Variants in SEL1L2 observed in about 807,000 individuals in gnomAD.
SEL1L2 encodes the protein protein sel-1 homolog 2.
A neutral mutation model predicts 98.8 loss-of-function variants in SEL1L2; 89 were observed. That is an observed-to-expected ratio of 0.90 (90% CI 0.76 to 1.07). The LOEUF (loss-of-function observed/expected upper bound fraction) is 1.07, where lower values mean the gene tolerates loss of function less well. Among genes scored for constraint, SEL1L2 ranks in the 50% least tolerant of loss-of-function variants. SEL1L2 has a pLI of 0.00. For missense variants in SEL1L2, 788 were observed against 812.0 expected (o/e 0.97, Z 0.36); for synonymous variants, 262 against 278.5 (o/e 0.94, Z 0.59).
chr20:13,937,585 C>G (rs1388939585), intron 2 of SEL1L2, among the ~76,000 whole-genome samples: 2 of 152,182 alleles, frequency 1.3e-5, no homozygotes, highest in East Asian at 3.8e-4. Context: ...CTAAATTTTC[C>G]TGGTCGTGTG....
At chr20:13,854,862 G>GAT in intron 18 of SEL1L2, among the ~76,000 whole-genome samples, 1 of 152,134 alleles carries the variant, frequency 6.6e-6, no homozygotes, top group East Asian at 1.9e-4. Flanking sequence ...GACCATCCTG[G>GAT]CCAACATGGT....
intron 2 of SEL1L2, among the ~76,000 whole-genome samples, chr20:13,946,254 C>A (rs921127174): frequency 1.3e-5 from 2 of 151,988 alleles, no homozygotes; most frequent in Non-Finnish European, 2.9e-5. Context: ...AGAGATTCTA[C>A]ACAAAAAAAC....
chr20:13,849,613 A>AAG lies in SEL1L2; in HGVS notation c.1948-11_1948-10dup. The AAG allele has an allele frequency of 1.2e-6, 2 of 1,613,288 alleles. No homozygotes were observed. The highest frequency in any genetic ancestry group is 1.7e-6 in the Non-Finnish European group (2 of 1,179,610). On this transcript the variant is annotated splice_polypyrimidine_tract_variant and intron_variant, in intron 19 of 19. Transcript: ENST00000284951. Reference sequence around the variant, plus strand: ...TTCCATCTCGTTGTGAACTGCTGGCAAGAGACATTCTCTCAAAAACAATCC... The same window carrying AAG: ...TTCCATCTCGTTGTGAACTGCTGGCAAGAGAGACATTCTCTCAAAAACAATCC...
chr20:13,990,386 C>T (rs1465042055), intron 1 of SEL1L2, 91 bp downstream of exon 1: 4 of 853,356 alleles, frequency 4.7e-6, no homozygotes, highest in Non-Finnish European at 7.9e-6. Context: ...AGTAAAGTTA[C>T]TTCTAGTCTT....
Position 13,865,189 on chromosome 20 carries a change from T to C in SEL1L2, c.1623A>G (p.Leu541=), listed in dbSNP as rs377020052. 2.9e-5 allele frequency: 47 copies of C among 1,613,134 alleles called. No individual in the cohort carries two copies. Among genetic ancestry groups the C allele is most frequent in the African/African-American group, 6.7e-5 (5 of 74,930 alleles). The change falls in exon 17 of 20, where the codon CTA becomes CTG. Residue 541 remains leucine (L), a synonymous_variant. Transcript: ENST00000284951. The part of the protein sequence containing the change: ...KEKMYPMALL[L]WNRAAIQGNA... The stretch of plus-strand genomic sequence containing the variant: ...TACCTTGAATGGCAGCTCGATTCCA[T>C]AGGAGAAGCGCCATTGGATACATCT...
At chr20:13,885,255 C>T in intron 10 of SEL1L2, 92 bp downstream of exon 10, 1 of 822,674 alleles carries the variant, frequency 1.2e-6, no homozygotes, top group Non-Finnish European at 2.1e-6. Flanking sequence ...GCAACTCTTC[C>T]ACCTCTCCCT....
At chr20:13,936,735 C>T (rs1232696067) in intron 2 of SEL1L2, among the ~76,000 whole-genome samples, 1 of 152,196 alleles carries the variant, frequency 6.6e-6, no homozygotes, top group African/African-American at 2.4e-5. Context: ...TTAGCTAGCT[C>T]TATGTATATT....
chr20:13,888,584 A>G (rs150075517), intron 5 of SEL1L2, 72 bp from the exon 6 acceptor site: 11 of 672,210 alleles, frequency 1.6e-5, no homozygotes, highest in Non-Finnish European at 2.5e-5. Context: ...GATAAGGGAT[A>G]TCTTAAATGT....
chr20:13,993,720 A>G (rs897437812), upstream of SEL1L2, among the ~76,000 whole-genome samples: 11 of 152,168 alleles, frequency 7.2e-5, no homozygotes, highest in African/African-American at 2.4e-4. Flanking sequence ...TAAGAAGTCA[A>G]TATCTTTTCT....
chr20:13,888,011 A>C lies in SEL1L2; in HGVS notation c.604-10T>G. On this transcript the variant is annotated splice_polypyrimidine_tract_variant and intron_variant, in intron 6 of 19. Coordinates refer to ENST00000284951, the MANE Select transcript of SEL1L2 (RefSeq NM_025229.2). ...TGTAATATATCAGTGCCTAAAGTAA[A>C]AACAAACAAACAAAAAACCCCCCAA... The C allele has an allele frequency of 6.2e-7, 1 of 1,609,068 alleles. No individual in the cohort carries two copies. The highest frequency in any genetic ancestry group is 8.5e-7 in the Non-Finnish European group (1 of 1,178,308).
chr20:13,888,582 A>T lies in SEL1L2; in HGVS notation c.550-70T>A, dbSNP rs539879860. ...TCCTAATTATCTATATGGATAAGGG[A>T]TATCTTAAATGTCTGCTTCATAATA... On this transcript the variant is annotated intron_variant, in intron 5 of 19. Coordinates refer to ENST00000284951, the MANE Select transcript of SEL1L2 (RefSeq NM_025229.2). 11 of 665,484 alleles carry T rather than the reference A, an allele frequency of 1.7e-5. No individual in the cohort carries two copies. The East Asian group carries it at 2.2e-4, about 13-fold the overall frequency. The allele number at this position is 665,484 out of a possible 1,614,324, so 41.2% of individuals were successfully genotyped here. A position where few individuals can be genotyped will look rare whatever the true frequency, so the allele number is the denominator to read the frequency against.
intron 1 of SEL1L2, among the ~76,000 whole-genome samples, chr20:13,969,029 T>C (rs1468735847): frequency 6.6e-6 from 1 of 152,226 alleles, no homozygotes; most frequent in Non-Finnish European, 1.5e-5. Context: ...AATAGGGCAC[T>C]AAAGCTTTTA....
intron 14 of SEL1L2, 106 bp from the exon 15 acceptor site, chr20:13,866,956 G>T: frequency 1.8e-6 from 2 of 1,138,588 alleles, no homozygotes. Flanking sequence ...AATAGAATGG[G>T]AAAAGCCAAC....
intron 6 of SEL1L2, 47 bp downstream of exon 6, chr20:13,888,412 T>C: frequency 7.8e-7 from 1 of 1,276,332 alleles, no homozygotes; most frequent in Non-Finnish European, 1.1e-6. Flanking sequence ...CAATGTCCCT[T>C]TTAGAGAAAT....
intron 10 of SEL1L2, among the ~76,000 whole-genome samples, chr20:13,885,104 C>T (rs572348059): frequency 3.3e-5 from 5 of 152,196 alleles, no homozygotes; most frequent in Admixed American, 3.3e-4. Flanking sequence ...CATGGATACC[C>T]CCCTGCCTCG....
At chr20:13,919,650 G>A (rs1323528118) in intron 3 of SEL1L2, among the ~76,000 whole-genome samples, 4 of 152,188 alleles carry the variant, frequency 2.6e-5, no homozygotes, top group Non-Finnish European at 4.4e-5. Flanking sequence ...TGGGCGCGGT[G>A]ACTCACGCCT....
At position 13,850,338 on chromosome 20, in the gene SEL1L2, C is replaced by T; in HGVS notation, c.1819-19G>A. 2 of 1,613,504 alleles carry T rather than the reference C, an allele frequency of 1.2e-6. No individual in the cohort carries two copies. The highest frequency in any genetic ancestry group is 1.1e-5 in the South Asian group (1 of 91,046). On this transcript the variant is annotated intron_variant, in intron 18 of 19. Transcript: ENST00000284951. The stretch of plus-strand genomic sequence containing the variant: ...GAATGTCCTAGAAGGAGAAGAATAG[C>T]CCTACCCATCAGATTCTGTAGGGGT...
At chr20:13,943,031 C>A (rs890076472) in intron 2 of SEL1L2, among the ~76,000 whole-genome samples, 3 of 133,410 alleles carry the variant, frequency 2.2e-5, no homozygotes, top group Non-Finnish European at 5.1e-5. Context: ...GTAATAACCA[C>A]CCCTAAGTGA....
intron 2 of SEL1L2, among the ~76,000 whole-genome samples, chr20:13,953,253 T>C (rs2062424972): frequency 6.6e-6 from 1 of 152,126 alleles, no homozygotes; most frequent in Non-Finnish European, 1.5e-5. Context: ...CATCCCTTTT[T>C]TCTCGTTTTG....
Sources: allele counts gnomAD v4.1 joint callset (sites outside exome capture counted in the v4.1 genomes callset), GRCh38; gene constraint gnomAD v4.1.1; transcripts MANE v1.5; gene names NCBI Gene and HGNC (gene_info 2026-07-23, HGNC 2026-07-21).